The following AKAP12 variants were observed in gnomAD, a reference collection of about 807,000 sequenced individuals.
AKAP12 encodes the protein A-kinase anchor protein 12.
In AKAP12, 32 loss-of-function variants were observed where a neutral mutation model predicts 79.9. The observed-to-expected ratio is 0.40, with a 90% CI of 0.30 to 0.54. The LOEUF (loss-of-function observed/expected upper bound fraction) is 0.54. Among genes scored for constraint, AKAP12 ranks in the 20% least tolerant of loss-of-function variants. The pLI is 0.48. For synonymous variants in AKAP12, 808 were observed against 857.0 expected, an observed-to-expected ratio of 0.94 and a Z score of 1.00; for missense variants, 2,074 against 2,177.0, an observed-to-expected ratio of 0.95 and a Z score of 0.94.
intron 2 of AKAP12, among the ~76,000 whole-genome samples, chr6:151,250,220 T>C (rs1405304097): frequency 6.6e-6 from 1 of 152,004 alleles, no homozygotes; most frequent in Non-Finnish European, 1.5e-5. Context: ...ATAAATAGGC[T>C]GGGCGTTGTG....
At chr6:151,245,307 T>C (rs1258258946) in intron 2 of AKAP12, among the ~76,000 whole-genome samples, 1 of 143,098 alleles carries the variant, frequency 7.0e-6, no homozygotes, top group Non-Finnish European at 1.6e-5. Context: ...AGCCAGTACG[T>C]TTATCTCTTG....
At chr6:151,314,011 A>G (rs115198291) in intron 3 of AKAP12, among the ~76,000 whole-genome samples, 6,221 of 151,624 alleles carry the variant, frequency 0.041, 158 homozygotes, top group South Asian at 0.076. Context: ...TTATAAAAAT[A>G]CTTTTATGGC....
chr6:151,269,336 A>C (rs923887203), intron 2 of AKAP12, among the ~76,000 whole-genome samples: 2 of 151,886 alleles, frequency 1.3e-5, no homozygotes, highest in African/African-American at 4.8e-5. Context: ...TCAGTGCAGA[A>C]TTTTTCTCAA....
intron 2 of AKAP12, among the ~76,000 whole-genome samples, chr6:151,279,587 A>G (rs77679703): frequency 0.026 from 3,894 of 152,292 alleles, 63 homozygotes; most frequent in Middle Eastern, 0.048. Context: ...AAGGCATTCT[A>G]TAACATTTTA....
chr6:151,266,396 T>C (rs970290713), intron 2 of AKAP12, among the ~76,000 whole-genome samples: 2 of 152,162 alleles, frequency 1.3e-5, no homozygotes, highest in African/African-American at 4.8e-5. Context: ...GGAAAGACAG[T>C]GTTAGCTCTC....
At chr6:151,291,952 TG>T (rs1776632565) in intron 2 of AKAP12, among the ~76,000 whole-genome samples, 1 of 152,200 alleles carries the variant, frequency 6.6e-6, no homozygotes, top group South Asian at 2.1e-4. Context: ...GTTCTGGCAG[TG>T]GAACCCTCTG....
intron 2 of AKAP12, among the ~76,000 whole-genome samples, chr6:151,259,891 A>G (rs567614166): frequency 7.4e-6 from 1 of 135,826 alleles, no homozygotes; most frequent in Non-Finnish European, 1.5e-5. Context: ...CTTTTCTTCA[A>G]TGTAACTTTC....
chr6:151,278,957 G>A (rs9397383), intron 2 of AKAP12, among the ~76,000 whole-genome samples: 58,431 of 152,046 alleles, frequency 0.38, 11,992 homozygotes, highest in Admixed American at 0.51. Context: ...ATGAGCCACC[G>A]CGCCCGGCGG....
intron 3 of AKAP12, among the ~76,000 whole-genome samples, chr6:151,338,598 G>A (rs1014539115): frequency 1.3e-5 from 2 of 152,038 alleles, no homozygotes; most frequent in African/African-American, 2.4e-5. Context: ...TGGGACTACA[G>A]GCACCCACCA....
chr6:151,291,527 CTG>C (rs1227399535), intron 2 of AKAP12, among the ~76,000 whole-genome samples: 1 of 152,190 alleles, frequency 6.6e-6, no homozygotes. Flanking sequence ...TCCAAGCAGA[CTG>C]ATAAACACTG....
At chr6:151,297,019 GTTTTTT>G (rs36046672) in intron 2 of AKAP12, among the ~76,000 whole-genome samples, 2 of 127,656 alleles carry the variant, frequency 1.6e-5, no homozygotes, top group South Asian at 5.0e-4. Context: ...AAATAAAAGG[GTTTTTT>G]TTTTTTTTTT....
At chr6:151,263,148 A>G (rs1407296352) in intron 2 of AKAP12, among the ~76,000 whole-genome samples, 2 of 151,846 alleles carry the variant, frequency 1.3e-5, no homozygotes, top group Non-Finnish European at 2.9e-5. Context: ...CAATCCTCCC[A>G]CCTCAGCCTC....
At chr6:151,301,073 C>A (rs1776854942) in intron 2 of AKAP12, among the ~76,000 whole-genome samples, 1 of 152,146 alleles carries the variant, frequency 6.6e-6, no homozygotes, top group South Asian at 2.1e-4. Context: ...ACAGTTAAGT[C>A]CCAGTATTAC....
chr6:151,348,899 A>T lies in AKAP12; in HGVS notation c.508A>T (p.Ile170Phe). The change falls in exon 4 of 5, where the codon ATT (isoleucine) becomes TTT (phenylalanine). Residue 170 changes from isoleucine to phenylalanine, a missense_variant. Ile to Phe is a conservative substitution (Grantham distance 21). Transcript: ENST00000402676. ...TQPTESQANDIGFKKVFKFVG... is the reference protein window; with the variant it reads ...TQPTESQANDFGFKKVFKFVG... The stretch of plus-strand genomic sequence containing the variant: ...ACCCACTGAGTCCCAGGCTAATGAT[A>T]TTGGATTTAAGAAGGTGTTTAAGTT... 1 of 1,614,082 alleles carries T rather than the reference A, an allele frequency of 6.2e-7. No homozygotes were observed. Among genetic ancestry groups the T allele is most frequent in the South Asian group, 1.1e-5 (1 of 91,078 alleles).
At chr6:151,245,173 C>T (rs1166258324) in intron 2 of AKAP12, among the ~76,000 whole-genome samples, 1 of 152,078 alleles carries the variant, frequency 6.6e-6, no homozygotes, top group Non-Finnish European at 1.5e-5. Context: ...GCTTAAAGAA[C>T]ACCAGTGCAG....
At chr6:151,303,854 A>G (rs1397612610) in intron 2 of AKAP12, among the ~76,000 whole-genome samples, 2 of 152,228 alleles carry the variant, frequency 1.3e-5, no homozygotes, top group Non-Finnish European at 2.9e-5. Flanking sequence ...GTGTAGTAAC[A>G]GGACCTTCAA....
At chr6:151,323,601 C>A in intron 3 of AKAP12, 1 of 630,356 alleles carries the variant, frequency 1.6e-6, no homozygotes, top group Non-Finnish European at 2.0e-6. Flanking sequence ...TCATGAATGT[C>A]ATAAAAAGAA....
chr6:151,332,224 G>C (rs989424941), intron 3 of AKAP12, among the ~76,000 whole-genome samples: 137 of 151,858 alleles, frequency 9.0e-4, no homozygotes, highest in African/African-American at 3.1e-3. Context: ...TTTTAGTAGA[G>C]ATGGGGTTTC....
At chr6:151,285,899 C>T (rs1378006480) in intron 2 of AKAP12, among the ~76,000 whole-genome samples, 13 of 142,872 alleles carry the variant, frequency 9.1e-5, no homozygotes, top group Admixed American at 2.8e-4. Context: ...TTTTTTGAGA[C>T]GGAATTTTGC....
Sources: gnomAD v4.1 joint callset for allele counts (sites outside exome capture counted in the v4.1 genomes callset) on GRCh38, gnomAD v4.1.1 for gene constraint, MANE v1.5 for transcripts, NCBI Gene and HGNC (gene_info 2026-07-23, HGNC 2026-07-21) for gene names.